WNK3: variants seen among roughly 807,000 people sequenced by gnomAD.
The protein encoded by WNK3 is WNK lysine deficient protein kinase 3.
In WNK3, 18 loss-of-function variants were observed where a neutral mutation model predicts 116.7. That is an observed-to-expected ratio of 0.15 (90% CI 0.11 to 0.23). The LOEUF is 0.23. WNK3 is among the 10% of genes least tolerant of loss of function. The pLI is 1.00. For synonymous variants in WNK3, 404 were observed against 469.4 expected (o/e 0.86, Z 1.80); for missense variants, 993 against 1,323.8 (o/e 0.75, Z 3.88).
At chrX:54,243,908 A>T (rs782741449) in intron 17 of WNK3, among the ~76,000 whole-genome samples, 23 of 112,314 alleles carry the variant, frequency 2.0e-4, no homozygotes, top group Admixed American at 9.5e-5. Context: ...ATGGATAAAC[A>T]AAATGCAGTA....
intron 2 of WNK3, among the ~76,000 whole-genome samples, chrX:54,323,916 T>TTGCTAC (rs1557172797): frequency 8.9e-6 from 1 of 112,311 alleles, no homozygotes; most frequent in Non-Finnish European, 1.9e-5. Flanking sequence ...TCATTTCCTA[T>TTGCTAC]TGCTACTGTA....
At position 54,279,464 on chromosome X, in the gene WNK3, T is replaced by C. The variant is rs782237046; in HGVS notation, c.2037+13424A>G. Among the ~76,000 whole-genome samples the C allele has an allele frequency of 7.2e-5, 8 of 111,218 alleles. No individual in the cohort carries two copies. In the South Asian group the frequency reaches 1.1e-3, roughly 16 times the overall value. On this transcript the variant is annotated intron_variant, in intron 10 of 23. Coordinates refer to ENST00000354646, the Ensembl canonical transcript of WNK3. Reference sequence around the variant, plus strand: ...CTATGGTCTCAACTACCTGGGAGGCTGAGGTGGGAGGATTGTTTGGGCCTG... The same window carrying C: ...CTATGGTCTCAACTACCTGGGAGGCCGAGGTGGGAGGATTGTTTGGGCCTG...
chrX:54,294,272 A>G (rs1557165738), intron 8 of WNK3, among the ~76,000 whole-genome samples: 1 of 112,002 alleles, frequency 8.9e-6, no homozygotes, highest in African/African-American at 3.2e-5. Flanking sequence ...CTAGATTATG[A>G]TCCTTCTGCA....
At chrX:54,346,975 T>C (rs1483118205) in intron 1 of WNK3, among the ~76,000 whole-genome samples, 2 of 111,934 alleles carry the variant, frequency 1.8e-5, no homozygotes, top group Non-Finnish European at 3.8e-5. Flanking sequence ...TAATGAACCA[T>C]GTTGGCATTG....
At chrX:54,342,554 G>A (rs1291082435) in intron 1 of WNK3, among the ~76,000 whole-genome samples, 1 of 107,972 alleles carries the variant, frequency 9.3e-6, no homozygotes, top group Non-Finnish European at 1.9e-5. Context: ...TGACAAGAGT[G>A]AAATCTGTCT....
chrX:54,331,964 G>C (rs1358291742), intron 2 of WNK3, among the ~76,000 whole-genome samples: 4 of 111,524 alleles, frequency 3.6e-5, no homozygotes, highest in Non-Finnish European at 5.6e-5. Context: ...ACTGGAATTT[G>C]AGCAACAGAA....
chrX:54,228,391 A>T (rs1557148277), intron 22 of WNK3, among the ~76,000 whole-genome samples: 1 of 112,195 alleles, frequency 8.9e-6, no homozygotes, highest in East Asian at 2.8e-4. Context: ...GCCAGTCACG[A>T]AACCACATAT....
intron 10 of WNK3, among the ~76,000 whole-genome samples, chrX:54,263,087 C>T (rs1557156973): frequency 2.7e-5 from 3 of 110,517 alleles, no homozygotes; most frequent in Non-Finnish European, 5.7e-5. Context: ...GAGGATCTTT[C>T]TCCTTTACTT....
At chrX:54,254,690 A>G (rs2068171630) in intron 12 of WNK3, among the ~76,000 whole-genome samples, 1 of 111,999 alleles carries the variant, frequency 8.9e-6, no homozygotes, top group South Asian at 3.7e-4. Context: ...GATGGAAAGA[A>G]AGAACATAAA....
rs183215886 is a variant in WNK3, at chrX:54,288,238, G to T, written c.2037+4650C>A. 4.7e-3 allele frequency among the ~76,000 whole-genome samples: 527 copies of T among 111,549 alleles called. 2 individuals carry two copies. Among genetic ancestry groups the T allele is most frequent in the African/African-American group, 0.016 (493 of 30,761 alleles). On this transcript the variant is annotated intron_variant, in intron 10 of 23. Transcript: ENST00000354646. The stretch of plus-strand genomic sequence containing the variant: ...TCTAAAGGCTGTATTATATATTGTT[G>T]TTCCAGGGCTGCCAGTTGCAACTGT...
intron 1 of WNK3, among the ~76,000 whole-genome samples, chrX:54,340,480 G>A (rs1475703010): frequency 9.1e-6 from 1 of 109,961 alleles, no homozygotes; most frequent in Non-Finnish European, 1.9e-5. Flanking sequence ...CAGTAGTGGC[G>A]CACGCCTGTA....
intron 10 of WNK3, among the ~76,000 whole-genome samples, chrX:54,270,775 C>T (rs1478898295): frequency 9.1e-6 from 1 of 110,462 alleles, no homozygotes; most frequent in African/African-American, 3.3e-5. Flanking sequence ...ATGTTCCCCT[C>T]CCTGTGTCCA....
intron 6 of WNK3, among the ~76,000 whole-genome samples, chrX:54,299,300 C>T (rs1462110149): frequency 8.1e-5 from 9 of 111,024 alleles, no homozygotes; most frequent in Non-Finnish European, 1.3e-4. Context: ...CAACCCCCTA[C>T]ATTTTTAGTG....
At chrX:54,318,896 C>A (rs1288098488) in intron 2 of WNK3, among the ~76,000 whole-genome samples, 3 of 109,729 alleles carry the variant, frequency 2.7e-5, no homozygotes, top group Non-Finnish European at 5.7e-5. Context: ...CGTGCCTCAG[C>A]CTCCCCCAGT....
chrX:54,201,568 C>T (rs140274746), intron 23 of WNK3, among the ~76,000 whole-genome samples: 5,727 of 111,891 alleles, frequency 0.051, 162 homozygotes, highest in Non-Finnish European at 0.078. Flanking sequence ...TCATTCCAGA[C>T]GCTTTCTTCT....
intron 10 of WNK3, among the ~76,000 whole-genome samples, chrX:54,288,184 T>C (rs1489130018): frequency 9.0e-6 from 1 of 111,579 alleles, no homozygotes; most frequent in African/African-American, 3.3e-5. Flanking sequence ...GTCAGACTGT[T>C]ATCTAGTGCC....
intron 13 of WNK3, among the ~76,000 whole-genome samples, chrX:54,253,254 A>G (rs1557154780): frequency 9.1e-6 from 1 of 110,252 alleles, no homozygotes; most frequent in East Asian, 2.8e-4. Flanking sequence ...TGTTATAAAA[A>G]ATAAAAATAA....
intron 20 of WNK3, among the ~76,000 whole-genome samples, chrX:54,234,279 G>A (rs954104354): frequency 4.5e-5 from 5 of 110,051 alleles, no homozygotes; most frequent in Non-Finnish European, 3.8e-5. Context: ...AGCTGAGGTG[G>A]GAGGATGGCT....
intron 22 of WNK3, among the ~76,000 whole-genome samples, chrX:54,214,982 T>C (rs2067666960): frequency 9.3e-6 from 1 of 107,943 alleles, no homozygotes; most frequent in Admixed American, 9.9e-5. Flanking sequence ...CACTACGTGG[T>C]GGCGGGTGCC....
Sources: allele counts gnomAD v4.1 joint callset (sites outside exome capture counted in the v4.1 genomes callset), GRCh38; gene constraint gnomAD v4.1.1; transcripts MANE v1.5; gene names NCBI Gene and HGNC (gene_info 2026-07-23, HGNC 2026-07-21).